IARS1: variants seen among roughly 807,000 people sequenced by gnomAD.
IARS1 encodes the protein isoleucyl-tRNA synthetase 1.
IARS1 carries 124 observed loss-of-function variants against 168.2 expected under a neutral mutation model. That is an observed-to-expected ratio of 0.74 (90% CI 0.64 to 0.86). The LOEUF (loss-of-function observed/expected upper bound fraction) is 0.86. IARS1 is among the 40% of genes least tolerant of loss of function. The pLI is 0.00. For missense variants in IARS1, 1,452 were observed against 1,515.8 expected, an observed-to-expected ratio of 0.96 and a Z score of 0.70; for synonymous variants, 532 against 529.4, an observed-to-expected ratio of 1.00 and a Z score of -0.07.
chr9:92,289,717 A>C (rs1836016024), intron 1 of IARS1, among the ~76,000 whole-genome samples: 1 of 152,124 alleles, frequency 6.6e-6, no homozygotes, highest in African/African-American at 2.4e-5. Context: ...TCTTCTCCAT[A>C]GCCAGTGGCA....
chr9:92,274,316 C>T, intron 10 of IARS1, 110 bp downstream of exon 10: 1 of 769,578 alleles, frequency 1.3e-6, no homozygotes, highest in South Asian at 1.5e-5. Context: ...GGCAGTGAGC[C>T]AGAAAAGAGG....
intron 30 of IARS1, chr9:92,240,557 G>T: frequency 1.6e-6 from 1 of 639,602 alleles, no homozygotes; most frequent in Non-Finnish European, 2.8e-6. Context: ...ACCATGCCTG[G>T]CCCTTTTTTT....
At position 92,241,069 on chromosome 9, in the gene IARS1, T is replaced by C. The variant is rs747137603; in HGVS notation, c.3178-108A>G. The C allele has an allele frequency of 3.3e-5, 21 of 630,944 alleles. No homozygotes were observed. In the Admixed American group the frequency reaches 4.2e-4, roughly 13 times the overall value. 39.1% of individuals were successfully genotyped at this position (630,944 alleles called of 1,614,324 possible). The stretch of plus-strand genomic sequence containing the variant: ...CAGTAACAACAAGAGCTGTACACAA[T>C]TGATAACATATTCAATCTCATTACT... On this transcript the variant is annotated intron_variant, in intron 29 of 33. Transcript: ENST00000443024.
chr9:92,229,115 G>C lies in IARS1; in HGVS notation c.3295C>G (p.Leu1099Val), dbSNP rs752563007. Residue 1099 changes from leucine to valine, a missense_variant, in exon 31 of 34, where the codon CTC becomes GTC. Transcript: ENST00000443024. ...TTGTCACCTTTTGGATTTTCCAGGA[G>C]CAATACTCCACCTAAAAAGCCACAA... ...ANGSEQGGVL[L>V]LENPKGDNRL... 3 of 1,613,060 alleles carry C rather than the reference G, an allele frequency of 1.9e-6. No homozygotes were observed. The highest frequency in any genetic ancestry group is 2.5e-6 in the Non-Finnish European group (3 of 1,179,708).
At chr9:92,262,910 C>G in intron 17 of IARS1, 59 bp downstream of exon 17, 1 of 1,249,168 alleles carries the variant, frequency 8.0e-7, no homozygotes, top group Non-Finnish European at 1.2e-6. Context: ...CTCACGCACT[C>G]CTTCTTAAGA....
intron 6 of IARS1, among the ~76,000 whole-genome samples, chr9:92,282,862 T>TATATA (rs1564187774): frequency 2.1e-4 from 27 of 126,304 alleles, no homozygotes; most frequent in East Asian, 9.0e-4. Context: ...ATATATATAT[T>TATATA]TTTTTTTTTT....
chr9:92,233,796 G>C (rs988550601), intron 30 of IARS1, among the ~76,000 whole-genome samples: 2 of 152,112 alleles, frequency 1.3e-5, no homozygotes, highest in African/African-American at 4.8e-5. Flanking sequence ...AGGTCTCACT[G>C]TGTGGCCCAG....
At position 92,258,867 on chromosome 9, in the gene IARS1, A is replaced by T; in HGVS notation, c.2003T>A (p.Leu668Gln). 6.2e-7 allele frequency: 1 copy of T among 1,610,486 alleles called. No homozygotes were observed. Among genetic ancestry groups the T allele is most frequent in the South Asian group, 1.1e-5 (1 of 90,472 alleles). The change falls in exon 19 of 34, where the codon CTG (leucine) becomes CAG (glutamine). Residue 668 changes from leucine (L) to glutamine (Q), a missense_variant. Coordinates refer to ENST00000443024, the MANE Select transcript of IARS1 (RefSeq NM_002161.6). ...TACAGCCCATACCTTCTGGAGCCTC[A>T]GAACGTTCTGGATTAAGAAGCGATA... is the stretch of plus-strand genomic sequence containing the variant. Reference protein sequence around the residue: ...NAYRFLIQNVLRLQKEEEIEF... With the variant: ...NAYRFLIQNVQRLQKEEEIEF...
intron 30 of IARS1, among the ~76,000 whole-genome samples, chr9:92,232,135 G>A (rs1587734727): frequency 6.7e-6 from 1 of 148,936 alleles, no homozygotes; most frequent in African/African-American, 2.6e-5. Context: ...TGCACATGCT[G>A]TAAAAGTAGC....
Position 92,280,832 on chromosome 9 carries a change from A to C in IARS1, c.659T>G (p.Leu220Ter). The change falls in exon 7 of 34, where the codon TTA (leucine) becomes TGA (stop). Residue 220 changes from leucine to a stop codon, truncating the protein, a stop_gained. Transcript: ENST00000443024. LOFTEE classifies it high-confidence loss of function. ...FPLEEDETVS[L>*]VAWTTTPWTL... ...CCAGGGAGTGGTTGTCCAAGCAACTAAAGATACAGTTTCATCTTCTTCCAA... is the reference window on the plus strand; with the variant it reads ...CCAGGGAGTGGTTGTCCAAGCAACTCAAGATACAGTTTCATCTTCTTCCAA... 1 of 1,610,366 alleles carries C rather than the reference A, an allele frequency of 6.2e-7. No individual in the cohort carries two copies. Among genetic ancestry groups the C allele is most frequent in the Non-Finnish European group, 8.5e-7 (1 of 1,176,700 alleles).
At chr9:92,235,920 A>T (rs1458836193) in intron 30 of IARS1, among the ~76,000 whole-genome samples, 1 of 152,138 alleles carries the variant, frequency 6.6e-6, no homozygotes, top group Non-Finnish European at 1.5e-5. Context: ...GCTGAATTCT[A>T]TTTAATAATT....
At chr9:92,290,906 C>T (rs1438196951) in intron 1 of IARS1, among the ~76,000 whole-genome samples, 1 of 152,060 alleles carries the variant, frequency 6.6e-6, no homozygotes, top group Admixed American at 6.6e-5. Context: ...ACTGGTAAAA[C>T]TTAAAAAATC....
chr9:92,241,553 G>A (rs1264216464), intron 29 of IARS1, among the ~76,000 whole-genome samples: 1 of 151,996 alleles, frequency 6.6e-6, no homozygotes, highest in South Asian at 2.1e-4. Flanking sequence ...ACCAGCCCAG[G>A]CTGGTCTCGC....
chr9:92,281,322 T>TG (rs1834531112), intron 6 of IARS1, among the ~76,000 whole-genome samples: 1 of 151,944 alleles, frequency 6.6e-6, no homozygotes, highest in Non-Finnish European at 1.5e-5. Context: ...TTAGTAGAGA[T>TG]GGGGTTATTC....
At chr9:92,292,918 C>T (rs1280119896) in intron 1 of IARS1, among the ~76,000 whole-genome samples, 1 of 152,238 alleles carries the variant, frequency 6.6e-6, no homozygotes, top group African/African-American at 2.4e-5. Context: ...CAATATTCTT[C>T]CCATTACTTA....
At chr9:92,252,345 A>C (rs1467432647) in intron 21 of IARS1, 2 of 509,600 alleles carry the variant, frequency 3.9e-6, no homozygotes, top group Admixed American at 4.0e-5. Flanking sequence ...TACAATCATA[A>C]TTAATTTATC....
chr9:92,241,486 C>T (rs1044555850), intron 29 of IARS1, among the ~76,000 whole-genome samples: 10 of 152,106 alleles, frequency 6.6e-5, no homozygotes, highest in African/African-American at 2.4e-4. Flanking sequence ...GCTGGGATTA[C>T]AGGCGTGTAC....
intron 11 of IARS1, 49 bp downstream of exon 11, chr9:92,271,484 G>C (rs1833018152): frequency 1.2e-6 from 2 of 1,602,586 alleles, no homozygotes; most frequent in Non-Finnish European, 1.7e-6. Flanking sequence ...TGATGGTAGA[G>C]ACTAATCAGA....
intron 33 of IARS1, among the ~76,000 whole-genome samples, chr9:92,217,548 G>A (rs1838931416): frequency 6.7e-6 from 1 of 149,020 alleles, no homozygotes; most frequent in South Asian, 2.1e-4. Context: ...AAGAAAAAAA[G>A]AGAGCAGAAT....
Sources: allele counts gnomAD v4.1 joint callset (sites outside exome capture counted in the v4.1 genomes callset), GRCh38; gene constraint gnomAD v4.1.1; transcripts MANE v1.5; gene names NCBI Gene and HGNC (gene_info 2026-07-23, HGNC 2026-07-21).